AP3B2: variants seen among roughly 807,000 people sequenced by gnomAD.
AP3B2 encodes the protein AP-3 complex subunit beta-2.
Under a neutral mutation model 126.9 loss-of-function variants are expected in AP3B2, and 50 were observed. That is an observed-to-expected ratio of 0.39 (90% confidence interval 0.31 to 0.50). AP3B2 has a LOEUF of 0.50. AP3B2 is among the 20% of genes least tolerant of loss of function. AP3B2 has a pLI of 0.79. For missense variants in AP3B2, 1,177 were observed against 1,426.4 expected, an observed-to-expected ratio of 0.83 and a Z score of 2.82; for synonymous variants, 541 against 565.0, an observed-to-expected ratio of 0.96 and a Z score of 0.60.
chr15:82,668,804 C>T (rs149571029), intron 14 of AP3B2, among the ~76,000 whole-genome samples: 1 of 152,232 alleles, frequency 6.6e-6, no homozygotes, highest in Non-Finnish European at 1.5e-5. Flanking sequence ...AGATACACTC[C>T]AGTGTGCCAA....
At chr15:82,696,869 T>C (rs994064514) in intron 1 of AP3B2, among the ~76,000 whole-genome samples, 19 of 152,294 alleles carry the variant, frequency 1.2e-4, no homozygotes, top group Admixed American at 1.1e-3. Flanking sequence ...ATATAGCTGA[T>C]AGAATTGTGT....
intron 1 of AP3B2, among the ~76,000 whole-genome samples, chr15:82,695,102 T>C (rs1366333449): frequency 3.3e-5 from 5 of 149,854 alleles, no homozygotes; most frequent in Non-Finnish European, 4.5e-5. Flanking sequence ...TTTCTTTTTT[T>C]TTTTTTTTTT....
intron 24 of AP3B2, 60 bp from the exon 25 acceptor site, chr15:82,661,982 C>A: frequency 6.7e-7 from 1 of 1,501,542 alleles, no homozygotes; most frequent in East Asian, 2.3e-5. Context: ...CCTCACTTCC[C>A]ACCCTGTGTA....
At chr15:82,702,753 C>A (rs2151461422) in intron 1 of AP3B2, among the ~76,000 whole-genome samples, 1 of 152,328 alleles carries the variant, frequency 6.6e-6, no homozygotes, top group Admixed American at 6.5e-5. Context: ...GTTGGGTGGT[C>A]TCTTCACATG....
chr15:82,680,091 C>T lies in AP3B2; in HGVS notation c.1110+84G>A. On this transcript the variant is annotated intron_variant, in intron 9 of 26. Coordinates refer to ENST00000535359, the MANE Select transcript of AP3B2 (RefSeq NM_001278512.2). The surrounding 1 kb of genome is among the most constrained non-coding windows in gnomAD (Gnocchi z 6.1). Reference sequence around the variant, plus strand: ...ATTCCTCCATCTTCCCTTTCCCCGGCCCCGGTCCCAGCCCCGACAACGCCT... The same window carrying T: ...ATTCCTCCATCTTCCCTTTCCCCGGTCCCGGTCCCAGCCCCGACAACGCCT... 6.4e-7 allele frequency: 1 copy of T among 1,564,006 alleles called. No homozygotes were observed. Among genetic ancestry groups the T allele is most frequent in the Non-Finnish European group, 8.7e-7 (1 of 1,147,538 alleles).
intron 24 of AP3B2, 107 bp downstream of exon 24, chr15:82,662,061 C>G: frequency 7.6e-7 from 1 of 1,323,696 alleles, no homozygotes; most frequent in African/African-American, 1.5e-5. Flanking sequence ...TCCAGACCCA[C>G]CCAATCATGA....
intron 14 of AP3B2, among the ~76,000 whole-genome samples, chr15:82,670,089 A>AT (rs1482519646): frequency 2.6e-4 from 36 of 138,146 alleles, no homozygotes; most frequent in Admixed American, 1.6e-4. Flanking sequence ...AAAAAAAAAA[A>AT]AAATCAGTGG....
chr15:82,667,553 T>C (rs2048081400), intron 14 of AP3B2, among the ~76,000 whole-genome samples: 1 of 152,202 alleles, frequency 6.6e-6, no homozygotes. Context: ...CAGTCTGCAG[T>C]CAGGGAAGCT....
At chr15:82,670,100 CTT>C (rs1205984035) in intron 14 of AP3B2, among the ~76,000 whole-genome samples, 1 of 62,502 alleles carries the variant, frequency 1.6e-5, no homozygotes, top group Non-Finnish European at 3.0e-5. Flanking sequence ...AAATCAGTGG[CTT>C]TTTTTTTTTT....
At chr15:82,694,762 C>T (rs1306038661) in intron 1 of AP3B2, among the ~76,000 whole-genome samples, 1 of 151,594 alleles carries the variant, frequency 6.6e-6, no homozygotes, top group African/African-American at 2.4e-5. Context: ...GTTCTGGAGG[C>T]TGGAAGGCTG....
chr15:82,686,460 TA>T (rs1427496239), intron 4 of AP3B2: 1 of 152,248 alleles, frequency 6.6e-6, no homozygotes, highest in Non-Finnish European at 1.5e-5. Flanking sequence ...CAAAACATTT[TA>T]TATTGCTTAA....
At chr15:82,683,047 G>GGTTTTTTTTT (rs2048368127) in intron 4 of AP3B2, among the ~76,000 whole-genome samples, 1 of 77,716 alleles carries the variant, frequency 1.3e-5, no homozygotes, top group African/African-American at 4.5e-5. Context: ...TGCACCAGGA[G>GGTTTTTTTTT]TTTTTTTTTT....
At chr15:82,675,611 G>C (rs946384458) in intron 14 of AP3B2, among the ~76,000 whole-genome samples, 1 of 152,198 alleles carries the variant, frequency 6.6e-6, no homozygotes, top group Non-Finnish European at 1.5e-5. Context: ...AACTATTCTA[G>C]GCTTTGTGGG....
chr15:82,702,790 C>T (rs1290410103), intron 1 of AP3B2, among the ~76,000 whole-genome samples: 1 of 152,178 alleles, frequency 6.6e-6, no homozygotes, highest in Non-Finnish European at 1.5e-5. Flanking sequence ...GGTGCCATGA[C>T]TCGGATCGGG....
Position 82,671,155 on chromosome 15 carries a change from C to T in AP3B2, c.1666-4222G>A, listed in dbSNP as rs145924441. Among the ~76,000 whole-genome samples the T allele has an allele frequency of 1.5e-4, 23 of 152,202 alleles. No homozygotes were observed. In the East Asian group the frequency reaches 4.4e-3, roughly 29 times the overall value. On this transcript the variant is annotated intron_variant, in intron 14 of 26. Coordinates refer to ENST00000535359, the MANE Select transcript of AP3B2 (RefSeq NM_001278512.2). The stretch of plus-strand genomic sequence containing the variant: ...GAAATTAACGGGGCGTGGTGACGCA[C>T]GCCTGTAGTCCCAGCTACTCAGGAG...
chr15:82,669,723 CA>C (rs1408541756), intron 14 of AP3B2, among the ~76,000 whole-genome samples: 1 of 150,312 alleles, frequency 6.7e-6, no homozygotes, highest in Non-Finnish European at 1.5e-5. Flanking sequence ...ATTGTCCAGG[CA>C]CAGTGGCTCA....
At chr15:82,707,737 AT>A (rs1036142610) in intron 1 of AP3B2, among the ~76,000 whole-genome samples, 7 of 151,738 alleles carry the variant, frequency 4.6e-5, no homozygotes, top group African/African-American at 1.7e-4. Flanking sequence ...CTCTTATTCC[AT>A]TTAGTTTTTC....
At chr15:82,706,866 C>A (rs1175877744) in intron 1 of AP3B2, among the ~76,000 whole-genome samples, 1 of 152,202 alleles carries the variant, frequency 6.6e-6, no homozygotes, top group Non-Finnish European at 1.5e-5. Context: ...TTCTACTACT[C>A]CTCAGGGATT....
intron 12 of AP3B2, 124 bp downstream of exon 12, chr15:82,677,543 AAGAC>A: frequency 2.8e-6 from 4 of 1,413,622 alleles, no homozygotes; most frequent in South Asian, 2.8e-5. Context: ...GGCCCTGATC[AAGAC>A]AGACAGACCA....
Sources: gnomAD v4.1 joint callset for allele counts (sites outside exome capture counted in the v4.1 genomes callset) on GRCh38, gnomAD v4.1.1 for gene constraint, Gnocchi (gnomAD v3.1) non-coding constraint, MANE v1.5 for transcripts, NCBI Gene and HGNC (gene_info 2026-07-23, HGNC 2026-07-21) for gene names.